The following GTF2F2 variants were observed in gnomAD, a reference collection of about 807,000 sequenced individuals.
GTF2F2 encodes the protein ATP-dependent helicase GTF2F2.
In GTF2F2, 23 loss-of-function variants were observed where a neutral mutation model predicts 42.2. The ratio of observed to expected loss-of-function variants is 0.55; its 90% CI spans 0.39 to 0.77. GTF2F2 has a LOEUF of 0.77. GTF2F2 is among the 30% of genes least tolerant of loss of function. The pLI is 0.00. For missense variants in GTF2F2, 261 were observed against 287.2 expected, an observed-to-expected ratio of 0.91 and a Z score of 0.66; for synonymous variants, 105 against 100.8, an observed-to-expected ratio of 1.04 and a Z score of -0.25.
chr13:45,226,909 T>C (rs878856035), intron 5 of GTF2F2, among the ~76,000 whole-genome samples: 1 of 151,978 alleles, frequency 6.6e-6, no homozygotes, highest in African/African-American at 2.4e-5. Context: ...CTGGGCAACA[T>C]GGTAAGACCC....
At chr13:45,258,869 A>G (rs916674724) in intron 6 of GTF2F2, among the ~76,000 whole-genome samples, 4 of 152,232 alleles carry the variant, frequency 2.6e-5, no homozygotes, top group Admixed American at 2.0e-4. Flanking sequence ...AATCAAAGTT[A>G]TAGAGTCAGC....
intron 5 of GTF2F2, among the ~76,000 whole-genome samples, chr13:45,227,154 G>A (rs551660802): frequency 6.6e-6 from 1 of 152,116 alleles, no homozygotes; most frequent in East Asian, 1.9e-4. Context: ...TTGTATATTT[G>A]TATTATTTCA....
intron 2 of GTF2F2, among the ~76,000 whole-genome samples, chr13:45,147,023 T>G (rs1197270862): frequency 1.3e-5 from 2 of 152,222 alleles, no homozygotes; most frequent in African/African-American, 4.8e-5. Context: ...TAGAGAGTAT[T>G]AACTCATCTA....
At chr13:45,159,906 G>T (rs1870952142) in intron 4 of GTF2F2, among the ~76,000 whole-genome samples, 1 of 152,162 alleles carries the variant, frequency 6.6e-6, no homozygotes, top group Non-Finnish European at 1.5e-5. Flanking sequence ...CTTTATATGT[G>T]TGCTTATAAG....
At chr13:45,194,468 G>T (rs756414460) in intron 4 of GTF2F2, 1 of 1,614,106 alleles carries the variant, frequency 6.2e-7, no homozygotes, top group Non-Finnish European at 8.5e-7. Flanking sequence ...AGGGTCATCA[G>T]TGTGGATTTG....
chr13:45,170,747 A>G (rs190174971), intron 4 of GTF2F2, among the ~76,000 whole-genome samples: 191 of 152,348 alleles, frequency 1.3e-3, no homozygotes, highest in African/African-American at 4.4e-3. Flanking sequence ...TGAGAGAACC[A>G]TCATGAGATC....
chr13:45,200,229 A>G (rs923766547), intron 4 of GTF2F2, among the ~76,000 whole-genome samples: 7 of 152,184 alleles, frequency 4.6e-5, no homozygotes, highest in Admixed American at 4.6e-4. Flanking sequence ...GAGGAGGGAA[A>G]GAATTTTGCA....
At chr13:45,141,057 A>C (rs1307143258) in intron 2 of GTF2F2, among the ~76,000 whole-genome samples, 1 of 152,260 alleles carries the variant, frequency 6.6e-6, no homozygotes. Context: ...TGTAAACTCA[A>C]ATGTTCTCCT....
chr13:45,122,645 A>G (rs1593439505), intron 1 of GTF2F2, among the ~76,000 whole-genome samples: 1 of 152,136 alleles, frequency 6.6e-6, no homozygotes, highest in East Asian at 1.9e-4. Flanking sequence ...AAAAAAATAA[A>G]TAAATTAAAA....
intron 2 of GTF2F2, 128 bp from the exon 3 acceptor site, chr13:45,149,642 A>G: frequency 1.1e-6 from 1 of 929,084 alleles, no homozygotes; most frequent in Non-Finnish European, 1.5e-6. Flanking sequence ...GTCAAGGGTA[A>G]ATATTGGTTA....
At chr13:45,271,231 C>T (rs529571235) in intron 7 of GTF2F2, among the ~76,000 whole-genome samples, 1 of 150,776 alleles carries the variant, frequency 6.6e-6, no homozygotes, top group African/African-American at 2.4e-5. Flanking sequence ...GCGGAGGTTG[C>T]AGTGAGCGGA....
At chr13:45,260,824 G>C (rs186821981) in intron 6 of GTF2F2, among the ~76,000 whole-genome samples, 1 of 152,130 alleles carries the variant, frequency 6.6e-6, no homozygotes, top group South Asian at 2.1e-4. Context: ...CCAGCCTTGA[G>C]TTTGAGACCA....
intron 4 of GTF2F2, among the ~76,000 whole-genome samples, chr13:45,190,482 T>C (rs986212694): frequency 6.6e-6 from 1 of 152,298 alleles, no homozygotes; most frequent in Middle Eastern, 3.4e-3. Context: ...CTGGTACAGG[T>C]ATACCTGGGC....
At chr13:45,281,736 T>C (rs753996175) in intron 7 of GTF2F2, among the ~76,000 whole-genome samples, 1 of 152,196 alleles carries the variant, frequency 6.6e-6, no homozygotes, top group South Asian at 2.1e-4. Flanking sequence ...AGACAAGAGC[T>C]TCTCAGCCAT....
At position 45,136,465 on chromosome 13, in the gene GTF2F2, A is replaced by T. The variant is rs114025650; in HGVS notation, c.67-268A>T. 6.1e-3 allele frequency among the ~76,000 whole-genome samples: 921 copies of T among 152,196 alleles called. 10 individuals are homozygous for T. Among genetic ancestry groups the T allele is most frequent in the African/African-American group, 0.021 (880 of 41,530 alleles). The stretch of plus-strand genomic sequence containing the variant: ...TTTCTCTTCTGTGACCTTTAATTGG[A>T]CTTATTTGGGAAGATAAGTTGGTGC... On this transcript the variant is annotated intron_variant, in intron 1 of 7. Transcript: ENST00000340473.
intron 5 of GTF2F2, among the ~76,000 whole-genome samples, chr13:45,214,954 T>TGGA (rs1873828045): frequency 6.7e-6 from 1 of 150,326 alleles, no homozygotes; most frequent in African/African-American, 2.5e-5. Flanking sequence ...AGTTTTTATT[T>TGGA]TTATTCCAGT....
At position 45,141,546 on chromosome 13, in the gene GTF2F2, G is replaced by A. The variant is rs528056471; in HGVS notation, c.140+4740G>A. ...AAGTGTTAGCAGATGTGTGTGTAGGGGTAGGGGTGAAGACGGTGGGTAGTT... is the reference window on the plus strand; with the variant it reads ...AAGTGTTAGCAGATGTGTGTGTAGGAGTAGGGGTGAAGACGGTGGGTAGTT... On this transcript the variant is annotated intron_variant, in intron 2 of 7. Transcript: ENST00000340473. Among the ~76,000 whole-genome samples, 52 of 152,232 alleles carry A rather than the reference G, an allele frequency of 3.4e-4. 1 individual carries two copies. The highest frequency in any genetic ancestry group is 3.4e-3 in the Middle Eastern group (1 of 294).
intron 1 of GTF2F2, among the ~76,000 whole-genome samples, chr13:45,132,877 G>A (rs1869435035): frequency 6.6e-6 from 1 of 151,994 alleles, no homozygotes; most frequent in Non-Finnish European, 1.5e-5. Context: ...TGAATAATCA[G>A]GAGTGAGGGA....
chr13:45,202,860 T>G (rs1873262168), intron 4 of GTF2F2, among the ~76,000 whole-genome samples: 1 of 151,856 alleles, frequency 6.6e-6, no homozygotes, highest in African/African-American at 2.4e-5. Flanking sequence ...GGCTGAGGCA[T>G]GAGAATTGCT....
Sources: allele counts gnomAD v4.1 joint callset (sites outside exome capture counted in the v4.1 genomes callset), GRCh38; gene constraint gnomAD v4.1.1; transcripts MANE v1.5; gene names NCBI Gene and HGNC (gene_info 2026-07-23, HGNC 2026-07-21).